The following MCF2L variants were observed in gnomAD, a reference collection of about 807,000 sequenced individuals.
The protein encoded by MCF2L is MCF.2 cell line derived transforming sequence like, also known as guanine nucleotide exchange factor DBS.
A neutral mutation model predicts 153.4 loss-of-function variants in MCF2L; 97 were observed. That is an observed-to-expected ratio of 0.63 (90% CI 0.54 to 0.75). MCF2L has a LOEUF of 0.75. MCF2L is among the 30% of genes least tolerant of loss of function. MCF2L has a pLI of 0.00. For synonymous variants in MCF2L, 659 were observed against 632.2 expected (o/e 1.04, Z -0.64); for missense variants, 1,347 against 1,495.2 (o/e 0.90, Z 1.64).
chr13:112,946,767 T>A (rs1044832771), intron 2 of MCF2L, among the ~76,000 whole-genome samples: 3 of 152,228 alleles, frequency 2.0e-5, no homozygotes, highest in African/African-American at 7.2e-5. Flanking sequence ...GGCTTTACTT[T>A]AGAAACTAAC....
At chr13:113,015,914 G>T (rs2084482808) in intron 2 of MCF2L, among the ~76,000 whole-genome samples, 1 of 152,142 alleles carries the variant, frequency 6.6e-6, no homozygotes. Flanking sequence ...GAGGCGCCGT[G>T]GTTTCTGCCG....
intron 1 of MCF2L, among the ~76,000 whole-genome samples, chr13:112,999,411 C>T (rs1483638490): frequency 1.3e-5 from 2 of 152,260 alleles, no homozygotes; most frequent in Admixed American, 6.5e-5. Flanking sequence ...CCTTAGAGGA[C>T]AGCCTCTGGC....
chr13:113,045,392 C>T lies in MCF2L; in HGVS notation c.369+31C>T. On this transcript the variant is annotated intron_variant, in intron 4 of 29. Coordinates refer to ENST00000535094, the MANE Select transcript of MCF2L (RefSeq NM_001112732.3). This position sits in a 1 kb window ranked among gnomAD's most constrained non-coding sequence, Gnocchi z 4.2. The stretch of plus-strand genomic sequence containing the variant: ...TGCCACCCGGGGCTCTGCCCTGCGC[C>T]CGGCCCCTCCCTGGGCTGCATGACC... 6.4e-7 allele frequency: 1 copy of T among 1,567,386 alleles called. No homozygotes were observed. The highest frequency in any genetic ancestry group is 8.8e-7 in the Non-Finnish European group (1 of 1,138,238).
intron 15 of MCF2L, among the ~76,000 whole-genome samples, chr13:113,080,909 G>A (rs1457106600): frequency 6.8e-6 from 1 of 147,114 alleles, no homozygotes; most frequent in Non-Finnish European, 1.5e-5. Flanking sequence ...GCACAGGTGG[G>A]ACCCAAAAGC....
At position 113,028,448 on chromosome 13, in the gene MCF2L, T is replaced by G. The variant is rs1442915554; in HGVS notation, c.278+3690T>G. On this transcript the variant is annotated intron_variant, in intron 3 of 29. Coordinates refer to ENST00000535094, the MANE Select transcript of MCF2L (RefSeq NM_001112732.3). The surrounding 1 kb of genome is among the most constrained non-coding windows in gnomAD (Gnocchi z 5.4). ...CTGAGATCCAGGAATCTCAGATGGG[T>G]CCAGACTCCTGCAGGACAAGACCCA... 6.6e-6 allele frequency among the ~76,000 whole-genome samples: 1 copy of G among 152,126 alleles called. No homozygotes were observed. The highest frequency in any genetic ancestry group is 1.5e-5 in the Non-Finnish European group (1 of 68,018).
intron 14 of MCF2L, 41 bp downstream of exon 14, chr13:113,078,477 T>G (rs749744786): frequency 7.0e-6 from 11 of 1,564,334 alleles, no homozygotes; most frequent in Non-Finnish European, 7.9e-6. Context: ...CACACCCCCC[T>G]CCTTGGTTCA....
intron 1 of MCF2L, among the ~76,000 whole-genome samples, chr13:113,011,087 G>A (rs1049115030): frequency 4.6e-5 from 7 of 152,146 alleles, no homozygotes; most frequent in African/African-American, 1.2e-4. Context: ...AACGCCCAGC[G>A]CCCTGAAAAT....
intron 1 of MCF2L, chr13:112,979,769 A>G (rs774878390): frequency 3.7e-6 from 6 of 1,608,116 alleles, no homozygotes; most frequent in Admixed American, 3.4e-5. Context: ...GTGAGATACA[A>G]TGGGGTCGCA....
intron 2 of MCF2L, among the ~76,000 whole-genome samples, chr13:113,017,365 T>C (rs2084597853): frequency 6.6e-6 from 1 of 152,340 alleles, no homozygotes; most frequent in South Asian, 2.1e-4. Context: ...GGCATCTTCA[T>C]GCAGCCGCCT....
intron 2 of MCF2L, among the ~76,000 whole-genome samples, chr13:112,947,090 A>G (rs2081645392): frequency 6.6e-6 from 1 of 152,198 alleles, no homozygotes. Flanking sequence ...CATGGTTCCC[A>G]AGGCTGGGAA....
chr13:112,916,848 A>G (rs9604000), intron 2 of MCF2L, among the ~76,000 whole-genome samples: 52,137 of 151,704 alleles, frequency 0.34, 9,139 homozygotes, highest in Admixed American at 0.39. Flanking sequence ...CCTGCTTGAC[A>G]GAGCTGAACC....
In MCF2L at chr13:112,969,412, C is replaced by G; in HGVS notation, c.33C>G (p.Ala11=). The change falls in exon 1 of 30, where the codon GCC becomes GCG. Residue 11 remains alanine (A), a synonymous_variant. Transcript: ENST00000535094. This position sits in a 1 kb window ranked among gnomAD's most constrained non-coding sequence, Gnocchi z 4.8. ...TTTGGCTGAGGACTGAAGAGATGGC[C>G]TTGGAAGAAATGGTGCAGAGATTAA... MRFWLRTEEM[A]LEEMVQRLNA... is the part of the protein sequence containing the mutation. 5 of 1,550,448 alleles carry G rather than the reference C, an allele frequency of 3.2e-6. No individual in the cohort carries two copies. The highest frequency in any genetic ancestry group is 4.4e-6 in the Non-Finnish European group (5 of 1,146,902).
chr13:113,038,404 G>A (rs2086274966), intron 3 of MCF2L, among the ~76,000 whole-genome samples: 2 of 150,494 alleles, frequency 1.3e-5, no homozygotes, highest in South Asian at 4.2e-4. Flanking sequence ...GGCGGAGCTT[G>A]CAGTGAGCTG....
chr13:112,949,086 A>G (rs1208430827), intron 2 of MCF2L, among the ~76,000 whole-genome samples: 3 of 152,236 alleles, frequency 2.0e-5, no homozygotes, highest in Admixed American at 6.5e-5. Flanking sequence ...CTCTGCAGAT[A>G]TCAAAAGGAT....
intron 2 of MCF2L, among the ~76,000 whole-genome samples, chr13:112,948,107 G>T (rs75694028): frequency 0.059 from 9,019 of 152,240 alleles, 296 homozygotes; most frequent in Non-Finnish European, 0.065. Context: ...GGTTGCATGG[G>T]TGTCCTGGGC....
chr13:113,025,838 A>G (rs2085241460), intron 3 of MCF2L, among the ~76,000 whole-genome samples: 1 of 148,008 alleles, frequency 6.8e-6, no homozygotes, highest in Non-Finnish European at 1.5e-5. Context: ...AGTCTCTGTG[A>G]GGTTTCATCA....
intron 1 of MCF2L, chr13:112,979,488 C>G: frequency 7.0e-7 from 1 of 1,436,102 alleles, no homozygotes; most frequent in Non-Finnish European, 9.1e-7. Context: ...TGGCGAAGCC[C>G]AGAGTCACCA....
chr13:113,080,004 T>C (rs2033957313), intron 15 of MCF2L, among the ~76,000 whole-genome samples: 1 of 63,708 alleles, frequency 1.6e-5, no homozygotes, highest in Non-Finnish European at 3.0e-5. Context: ...CAGAGGAGAG[T>C]CCATACGGAA....
At chr13:112,915,236 T>G (rs1336141132) in intron 2 of MCF2L, among the ~76,000 whole-genome samples, 4 of 151,476 alleles carry the variant, frequency 2.6e-5, no homozygotes, top group African/African-American at 9.7e-5. Context: ...GGTGAAATCC[T>G]ATCTCTACTA....
Sources: allele counts gnomAD v4.1 joint callset (sites outside exome capture counted in the v4.1 genomes callset), GRCh38; gene constraint gnomAD v4.1.1; non-coding constraint Gnocchi (gnomAD v3.1); transcripts MANE v1.5; gene names NCBI Gene and HGNC (gene_info 2026-07-23, HGNC 2026-07-21).